Variants in PCDH15 observed in about 807,000 individuals in gnomAD.
PCDH15 encodes the protein protocadherin related 15, also known as protocadherin-15.
Under a neutral mutation model 178.5 loss-of-function variants are expected in PCDH15, and 129 were observed. The ratio of observed to expected loss-of-function variants is 0.72; its 90% CI spans 0.63 to 0.84. The LOEUF is 0.84. Ranked by LOEUF, PCDH15 falls within the 40% of genes least tolerant of loss-of-function variation. The probability of loss-of-function intolerance (pLI) is 0.00; values close to 1 mark genes in which losing one functional copy is unlikely to be tolerated. For missense variants in PCDH15, 2,230 were observed against 2,099.9 expected (o/e 1.06, Z -1.21); for synonymous variants, 800 against 732.0 (o/e 1.09, Z -1.50).
At chr10:54,236,443 T>A (rs962004358) in intron 9 of PCDH15, among the ~76,000 whole-genome samples, 2 of 152,092 alleles carry the variant, frequency 1.3e-5, no homozygotes, top group African/African-American at 4.8e-5. Context: ...ATCACAATTA[T>A]GTATAGTAAC....
chr10:55,024,732 T>C (rs560970160), intron 2 of PCDH15, among the ~76,000 whole-genome samples: 7 of 152,180 alleles, frequency 4.6e-5, no homozygotes, highest in Non-Finnish European at 1.0e-4. Flanking sequence ...TCATGCCTAA[T>C]TGGCATGCAT....
At position 53,806,820 on chromosome 10, in the gene PCDH15, G is replaced by GTAGAAAATGGCCCCTTTGA; in HGVS notation, c.4963_4981dup (p.Thr1661IlefsTer8). The GTAGAAAATGGCCCCTTTGA allele has an allele frequency of 6.2e-7, 1 of 1,613,868 alleles. No homozygotes were observed. The highest frequency in any genetic ancestry group is 8.5e-7 in the Non-Finnish European group (1 of 1,179,822). ...AGTTGGTCTTGCATTCATTTTTTCA[G>GTAGAAAATGGCCCCTTTGA]TAGAAAATGGCCCCTTTGATAATGT... On this transcript the variant is annotated frameshift_variant, in exon 38 of 38. Transcript: ENST00000644397. LOFTEE classifies it high-confidence loss of function.
chr10:53,976,146 A>G (rs1397759536), intron 21 of PCDH15, among the ~76,000 whole-genome samples: 1 of 152,272 alleles, frequency 6.6e-6, no homozygotes, highest in African/African-American at 2.4e-5. Flanking sequence ...TTGTACCAGT[A>G]CCGTGTTGTT....
chr10:54,253,919 T>C (rs548695942), intron 8 of PCDH15, among the ~76,000 whole-genome samples: 12 of 152,196 alleles, frequency 7.9e-5, no homozygotes, highest in African/African-American at 2.2e-4. Flanking sequence ...CATTTTCCAA[T>C]AGTATTTAAT....
intron 2 of PCDH15, among the ~76,000 whole-genome samples, chr10:54,929,996 T>G (rs1016284671): frequency 6.6e-6 from 1 of 152,168 alleles, no homozygotes; most frequent in African/African-American, 2.4e-5. Context: ...GTTTTCTAAC[T>G]AAGAGCAGCC....
intron 1 of PCDH15, among the ~76,000 whole-genome samples, chr10:55,231,700 G>A (rs911425903): frequency 1.3e-5 from 2 of 151,908 alleles, no homozygotes. Context: ...TAGAAAGGAA[G>A]AGTACACAAT....
intron 20 of PCDH15, among the ~76,000 whole-genome samples, chr10:54,017,127 G>A (rs553468478): frequency 3.9e-5 from 6 of 152,166 alleles, no homozygotes; most frequent in East Asian, 1.9e-4. Context: ...GGGTTCAAGC[G>A]ATTCTCCTGC....
chr10:54,723,758 AATAC>A (rs1462447976), intron 1 of PCDH15, among the ~76,000 whole-genome samples: 3 of 151,752 alleles, frequency 2.0e-5, no homozygotes, highest in Non-Finnish European at 4.4e-5. Flanking sequence ...TAAAAGAAGA[AATAC>A]ATACAGCCAA....
intron 27 of PCDH15, among the ~76,000 whole-genome samples, chr10:53,865,706 C>A (rs567716669): frequency 6.7e-6 from 1 of 149,286 alleles, no homozygotes; most frequent in East Asian, 2.0e-4. Flanking sequence ...GTTTTGGCCA[C>A]AATCATGGTG....
In PCDH15 at chr10:54,442,417, TATATATATATATATATATA is replaced by T. The variant is rs2075859817; in HGVS notation, c.158-63494_158-63476del. ...AAAAAAAAAAAGGCCTTAAAGGCTA[TATATATATATATATATATA>T]TATATATATATATATATATATATAC... On this transcript the variant is annotated intron_variant, in intron 3 of 37. Coordinates refer to ENST00000644397, the MANE Select transcript of PCDH15 (RefSeq NM_001384140.1). Among the ~76,000 whole-genome samples the T allele has an allele frequency of 2.6e-4, 16 of 60,730 alleles. 2 individuals are homozygous for T. The highest frequency in any genetic ancestry group is 4.9e-4 in the African/African-American group (8 of 16,342). 39.8% of individuals were successfully genotyped at this position (60,730 alleles called of 152,430 possible).
chr10:54,878,122 C>T (rs1352002573), intron 3 of PCDH15, among the ~76,000 whole-genome samples: 3 of 151,890 alleles, frequency 2.0e-5, no homozygotes, highest in African/African-American at 7.3e-5. Context: ...GCCATCATGA[C>T]TAGCTAATTT....
At chr10:55,420,465 T>G (rs1363202869) in intron 2 of PCDH15, among the ~76,000 whole-genome samples, 1 of 151,294 alleles carries the variant, frequency 6.6e-6, no homozygotes, top group Non-Finnish European at 1.5e-5. Context: ...ATTGCATTTT[T>G]TTTCCCTTCA....
chr10:53,809,167 G>A (rs2075774137), intron 37 of PCDH15: 2 of 1,613,792 alleles, frequency 1.2e-6, no homozygotes, highest in Non-Finnish European at 1.7e-6. Context: ...GGGTGTCTCT[G>A]ACTCAGATTC....
chr10:54,425,241 C>G (rs1042380066), intron 3 of PCDH15, among the ~76,000 whole-genome samples: 1 of 152,012 alleles, frequency 6.6e-6, no homozygotes, highest in Non-Finnish European at 1.5e-5. Flanking sequence ...ATGAAAGTTC[C>G]TCCCTCATGA....
chr10:55,325,993 C>T (rs1844021058), intron 2 of PCDH15, among the ~76,000 whole-genome samples: 1 of 152,046 alleles, frequency 6.6e-6, no homozygotes, highest in Non-Finnish European at 1.5e-5. Context: ...AAAAAATGCT[C>T]AGCGTCACTA....
chr10:53,960,472 G>A (rs2088179541), intron 22 of PCDH15, among the ~76,000 whole-genome samples: 1 of 152,082 alleles, frequency 6.6e-6, no homozygotes, highest in East Asian at 1.9e-4. Flanking sequence ...CTAAGAAAAA[G>A]CTTTAGTGTT....
chr10:55,189,271 T>TA (rs1270043153), intron 1 of PCDH15, among the ~76,000 whole-genome samples: 2 of 152,012 alleles, frequency 1.3e-5, no homozygotes, highest in Admixed American at 6.6e-5. Flanking sequence ...TGTGCAAATC[T>TA]AAAAAAATTG....
intron 15 of PCDH15, among the ~76,000 whole-genome samples, chr10:54,106,762 C>T (rs770603518): frequency 1.3e-5 from 2 of 152,132 alleles, no homozygotes; most frequent in Non-Finnish European, 2.9e-5. Context: ...CAAAGTCCTT[C>T]ATATATGATG....
At chr10:54,569,052 A>G (rs2089434638) in intron 2 of PCDH15, among the ~76,000 whole-genome samples, 1 of 151,968 alleles carries the variant, frequency 6.6e-6, no homozygotes, top group Admixed American at 6.6e-5. Flanking sequence ...TGGAACAATC[A>G]TAATGTTTTC....
Sources: allele counts gnomAD v4.1 joint callset (sites outside exome capture counted in the v4.1 genomes callset), GRCh38; gene constraint gnomAD v4.1.1; transcripts MANE v1.5; gene names NCBI Gene and HGNC (gene_info 2026-07-23, HGNC 2026-07-21).